KLK4: variants seen among roughly 807,000 people sequenced by gnomAD.
KLK4 encodes kallikrein-4.
KLK4 carries 24 observed loss-of-function variants against 24.3 expected under a neutral mutation model. The ratio of observed to expected loss-of-function variants is 0.99; its 90% CI spans 0.72 to 1.39. KLK4 has a LOEUF of 1.39. Among genes scored for constraint, KLK4 ranks in the 40% most tolerant of loss-of-function variants. The pLI, the probability that KLK4 is intolerant of heterozygous loss-of-function variation, is 0.00. For synonymous variants in KLK4, 142 were observed against 138.8 expected, an observed-to-expected ratio of 1.02 and a Z score of -0.16; for missense variants, 344 against 327.4, an observed-to-expected ratio of 1.05 and a Z score of -0.39.
At chr19:50,908,598 G>C (rs776143382) in exon 4 of KLK4, 1 of 1,614,224 alleles carries the variant, frequency 6.2e-7, no homozygotes, top group South Asian at 1.1e-5. Flanking sequence ...GCAGACCCCA[G>C]CCAGAAACGA....
rs377181928 is a variant in KLK4 at position 50,908,502 on chromosome 19, C to G, written c.476-7G>C. ...AGCACGGTAGGCATTCTGCCTGGGA[C>G]GCAGAGCTCTGGGTCAGCCCCCGCG... On this transcript the variant is annotated splice_region_variant and splice_polypyrimidine_tract_variant and intron_variant, in intron 4 of 5. Transcript: ENST00000324041. 267 of 1,614,078 alleles carry G rather than the reference C, an allele frequency of 1.7e-4. No homozygotes were observed. The highest frequency in any genetic ancestry group is 2.2e-4 in the Non-Finnish European group (256 of 1,180,060).
Position 50,909,247 on chromosome 19 carries a change from C to T in KLK4, c.224+5G>A, listed in dbSNP as rs755950566. 6.8e-6 allele frequency: 11 copies of T among 1,614,132 alleles called. No homozygotes were observed. Among genetic ancestry groups the T allele is most frequent in the South Asian group, 6.6e-5 (6 of 91,086 alleles). On this transcript the variant is annotated splice_donor_5th_base_variant and intron_variant, in intron 3 of 5. Transcript: ENST00000324041. ...CCTGCCCACTCCCCCTACCTCTGCA[C>T]TCACTTCTGGAAACAGTGTGCGGCT...
chr19:50,908,523 C>T (rs1325044824), intron 4 of KLK4, 28 bp from the exon 5 acceptor site: 2 of 1,614,072 alleles, frequency 1.2e-6, no homozygotes, highest in Non-Finnish European at 1.7e-6. Context: ...GGGTCAGCCC[C>T]CGCGACTGGG....
Position 50,910,605 on chromosome 19 carries a change from T to C in KLK4, c.61+73A>G. 1 of 1,385,364 alleles carries C rather than the reference T, an allele frequency of 7.2e-7. No individual in the cohort carries two copies. The highest frequency in any genetic ancestry group is 1.0e-6 in the Non-Finnish European group (1 of 995,874). The allele number at this position is 1,385,364 out of a possible 1,614,324, so 85.8% of individuals were successfully genotyped here. ...TTTGCAGTCACAAGCAAGAGGACACTGAGTCACACCTGAACATTAACAAAC... is the reference window on the plus strand; with the variant it reads ...TTTGCAGTCACAAGCAAGAGGACACCGAGTCACACCTGAACATTAACAAAC... On this transcript the variant is annotated intron_variant, in intron 2 of 5. Transcript: ENST00000324041. This position sits in a 1 kb window ranked among gnomAD's most constrained non-coding sequence, Gnocchi z 4.4.
intron 5 of KLK4, 36 bp from the exon 6 acceptor site, chr19:50,907,122 A>C: frequency 6.2e-7 from 1 of 1,611,280 alleles, no homozygotes; most frequent in Non-Finnish European, 8.5e-7. Flanking sequence ...AATTCAAAAC[A>C]CAGAGAGGTG....
exon 6 of KLK4, chr19:50,907,052 T>C: frequency 6.2e-7 from 1 of 1,614,126 alleles, no homozygotes. Context: ...GCCCTGCAAG[T>C]ACCCGTTGCA....
In KLK4 at chr19:50,910,835, C is replaced by T. The variant is rs2090482452; in HGVS notation, c.-11-86G>A. The T allele has an allele frequency of 8.3e-7, 1 of 1,201,970 alleles. No homozygotes were observed. Among genetic ancestry groups the T allele is most frequent in the Non-Finnish European group, 1.2e-6 (1 of 830,654 alleles). The allele number at this position is 1,201,970 out of a possible 1,614,324, so 74.5% of individuals were successfully genotyped here. The stretch of plus-strand genomic sequence containing the variant: ...CCTCTCTTTGTCCCTCCCTTTCTTC[C>T]CTCTGGGACGTTATTAGGTAGGCAA... On this transcript the variant is annotated intron_variant, in intron 1 of 5. Transcript: ENST00000324041. This position sits in a 1 kb window ranked among gnomAD's most constrained non-coding sequence, Gnocchi z 4.4.
At position 50,910,864 on chromosome 19, in the gene KLK4, C is replaced by T; in HGVS notation, c.-11-115G>A. The T allele has an allele frequency of 2.4e-6, 2 of 845,366 alleles. No individual in the cohort carries two copies. The highest frequency in any genetic ancestry group is 2.7e-5 in the East Asian group (1 of 37,518). 52.4% of individuals were successfully genotyped at this position (845,366 alleles called of 1,614,324 possible). A position where few individuals can be genotyped will look rare whatever the true frequency, so the allele number is the denominator to read the frequency against. ...TGGGACGTTATTAGGTAGGCAAGAG[C>T]CTAGACCATCTACCCCCTCTCCCAT... On this transcript the variant is annotated intron_variant, in intron 1 of 5. Coordinates refer to ENST00000324041, the Ensembl canonical transcript of KLK4. The surrounding 1 kb of genome is among the most constrained non-coding windows in gnomAD (Gnocchi z 4.4).
exon 4 of KLK4, chr19:50,908,587 A>G (rs1402733512): frequency 6.2e-7 from 1 of 1,614,218 alleles, no homozygotes; most frequent in Middle Eastern, 1.6e-4. Context: ...ACCGTTCGCC[A>G]GCAGACCCCA....
chr19:50,910,709 C>A lies in KLK4; in HGVS notation c.30G>T (p.Trp10Cys), dbSNP rs945791157. 2.7e-5 allele frequency: 42 copies of A among 1,555,614 alleles called. No homozygotes were observed. Among genetic ancestry groups the A allele is most frequent in the Non-Finnish European group, 3.5e-5 (40 of 1,148,834 alleles). The change falls in exon 2 of 6, where the codon TGG becomes TGT. Residue 10 changes from tryptophan (W) to cysteine (C), a missense_variant. Physicochemically the swap from Trp to Cys is radical, Grantham distance 215. Coordinates refer to ENST00000324041, the Ensembl canonical transcript of KLK4. This position sits in a 1 kb window ranked among gnomAD's most constrained non-coding sequence, Gnocchi z 4.4. Reference sequence around the variant, plus strand: ...CACCAAGGATGAGGTACCCCAGGAACCAGCCCCAGGGATTTCCTGCTGTGG... The same window carrying A: ...CACCAAGGATGAGGTACCCCAGGAAACAGCCCCAGGGATTTCCTGCTGTGG...
intron 5 of KLK4, among the ~76,000 whole-genome samples, chr19:50,907,316 G>A (rs2090441561): frequency 6.6e-6 from 1 of 151,792 alleles, no homozygotes; most frequent in Non-Finnish European, 1.5e-5. Flanking sequence ...TGGGCTTGTG[G>A]TCTGTCTGTT....
At chr19:50,911,224 A>G (rs1275197327) in intron 1 of KLK4, among the ~76,000 whole-genome samples, 115 bp downstream of exon 1, 1 of 152,216 alleles carries the variant, frequency 6.6e-6, no homozygotes, top group Admixed American at 6.5e-5. Context: ...AGATCTGTCT[A>G]GAGAGATGTG....
chr19:50,907,659 G>A (rs548185439), intron 5 of KLK4, among the ~76,000 whole-genome samples: 133 of 152,104 alleles, frequency 8.7e-4, no homozygotes, highest in Middle Eastern at 3.4e-3. Flanking sequence ...TGCCTGCCTC[G>A]CCTCCCAAAG....
At chr19:50,908,301 G>T in intron 5 of KLK4, 58 bp downstream of exon 5, 1 of 1,600,372 alleles carries the variant, frequency 6.2e-7, no homozygotes, top group Non-Finnish European at 8.5e-7. Context: ...GTGTGTCTCT[G>T]TCTCCCCCTT....
intron 1 of KLK4, among the ~76,000 whole-genome samples, chr19:50,911,059 A>G (rs1249554764): frequency 6.6e-6 from 1 of 152,162 alleles, no homozygotes; most frequent in Non-Finnish European, 1.5e-5. Context: ...ACAAACAAGC[A>G]TGGAGGGAAG....
At chr19:50,909,197 T>G in intron 3 of KLK4, 55 bp downstream of exon 3, 1 of 1,613,238 alleles carries the variant, frequency 6.2e-7, no homozygotes, top group Admixed American at 1.7e-5. Flanking sequence ...GAGCCTGATA[T>G]TAGGCCCCGC....
At chr19:50,908,494 G>T in exon 5 of KLK4, 1 of 1,614,188 alleles carries the variant, frequency 6.2e-7, no homozygotes, top group Non-Finnish European at 8.5e-7. Flanking sequence ...TAGGCATTCT[G>T]CCTGGGACGC....
exon 3 of KLK4, chr19:50,909,370 C>T (rs1287896232): frequency 6.2e-7 from 1 of 1,614,066 alleles, no homozygotes; most frequent in African/African-American, 1.3e-5. Flanking sequence ...GGGCTGCAGT[C>T]CTCGCCGTTT....
At chr19:50,908,254 T>G (rs924941364) in intron 5 of KLK4, 105 bp downstream of exon 5, 6 of 1,324,290 alleles carry the variant, frequency 4.5e-6, no homozygotes, top group Middle Eastern at 2.5e-4. Flanking sequence ...TGTCTCCCTG[T>G]GTGTCTCTCC....
Sources: gnomAD v4.1 joint callset for allele counts (sites outside exome capture counted in the v4.1 genomes callset) on GRCh38, gnomAD v4.1.1 for gene constraint, Gnocchi (gnomAD v3.1) non-coding constraint, MANE v1.5 for transcripts, NCBI Gene and HGNC (gene_info 2026-07-23, HGNC 2026-07-21) for gene names.